The following GALNTL6 variants were observed in gnomAD, a reference collection of about 807,000 sequenced individuals.
GALNTL6 encodes polypeptide N-acetylgalactosaminyltransferase-like 6.
Under a neutral mutation model 73.7 loss-of-function variants are expected in GALNTL6, and 46 were observed. The observed-to-expected ratio is 0.62, with a 90% confidence interval of 0.49 to 0.80. The LOEUF is 0.80. Among genes scored for constraint, GALNTL6 ranks in the 30% least tolerant of loss-of-function variants. The pLI is 0.00. For synonymous variants in GALNTL6, 259 were observed against 263.7 expected (o/e 0.98, Z 0.17); for missense variants, 604 against 755.0 (o/e 0.80, Z 2.34).
intron 2 of GALNTL6, among the ~76,000 whole-genome samples, chr4:172,211,318 G>T (rs558080727): frequency 6.6e-6 from 1 of 152,122 alleles, no homozygotes; most frequent in South Asian, 2.1e-4. Flanking sequence ...TTCTCAGGAG[G>T]GTTATTTGTA....
At chr4:172,999,195 T>C (rs577620890) in intron 10 of GALNTL6, among the ~76,000 whole-genome samples, 2 of 152,276 alleles carry the variant, frequency 1.3e-5, no homozygotes, top group South Asian at 4.1e-4. Flanking sequence ...GGCTGTCATA[T>C]ACATGCAGCT....
At chr4:172,755,707 A>T (rs1455830606) in intron 5 of GALNTL6, among the ~76,000 whole-genome samples, 1 of 152,252 alleles carries the variant, frequency 6.6e-6, no homozygotes, top group Non-Finnish European at 1.5e-5. Context: ...GTATATTTTC[A>T]GTCAAATTTT....
intron 2 of GALNTL6, among the ~76,000 whole-genome samples, chr4:172,165,078 T>A (rs1734580987): frequency 6.6e-6 from 1 of 152,112 alleles, no homozygotes; most frequent in African/African-American, 2.4e-5. Flanking sequence ...TCCAAACAAC[T>A]TTAACATTTT....
intron 5 of GALNTL6, among the ~76,000 whole-genome samples, chr4:172,485,209 T>G (rs1733624844): frequency 6.6e-6 from 1 of 152,126 alleles, no homozygotes; most frequent in Non-Finnish European, 1.5e-5. Context: ...CCCATTTTTT[T>G]TCAGGTAACC....
At chr4:172,295,423 G>GA (rs11406771) in intron 3 of GALNTL6, among the ~76,000 whole-genome samples, 135,144 of 144,662 alleles carry the variant, frequency 0.93, 63,621 homozygotes, top group South Asian at 1. Flanking sequence ...CTCCATTTAA[G>GA]AAAAAAAAAA....
intron 8 of GALNTL6, among the ~76,000 whole-genome samples, chr4:172,915,782 A>T (rs1265400711): frequency 6.6e-6 from 1 of 152,198 alleles, no homozygotes; most frequent in Non-Finnish European, 1.5e-5. Context: ...AAAGTCCAGT[A>T]CCAGATGGAT....
intron 5 of GALNTL6, among the ~76,000 whole-genome samples, chr4:172,554,876 T>A (rs1001059269): frequency 6.6e-6 from 1 of 152,158 alleles, no homozygotes; most frequent in African/African-American, 2.4e-5. Flanking sequence ...ATGATCACCA[T>A]ATAATTTCTT....
At chr4:172,001,794 G>A (rs539548733) in intron 2 of GALNTL6, among the ~76,000 whole-genome samples, 1 of 152,204 alleles carries the variant, frequency 6.6e-6, no homozygotes, top group African/African-American at 2.4e-5. Context: ...GATCATTTCT[G>A]GATCACAGGA....
chr4:172,601,447 G>A (rs1738048767), intron 5 of GALNTL6, among the ~76,000 whole-genome samples: 1 of 152,042 alleles, frequency 6.6e-6, no homozygotes, highest in Non-Finnish European at 1.5e-5. Flanking sequence ...CACATGACTG[G>A]ATAAATCACT....
chr4:171,992,261 T>C (rs1399239249), intron 2 of GALNTL6, among the ~76,000 whole-genome samples: 4 of 152,032 alleles, frequency 2.6e-5, no homozygotes, highest in South Asian at 2.1e-4. Flanking sequence ...GGTTTTTTTT[T>C]CTTTTTATTC....
chr4:172,584,320 T>C (rs1007410310), intron 5 of GALNTL6, among the ~76,000 whole-genome samples: 1 of 152,068 alleles, frequency 6.6e-6, no homozygotes, highest in Non-Finnish European at 1.5e-5. Flanking sequence ...CAAAATTACA[T>C]GTGAGAGAAA....
intron 2 of GALNTL6, among the ~76,000 whole-genome samples, chr4:172,177,740 CATGTGTATATATAT>C (rs1735052129): frequency 1.2e-5 from 1 of 82,302 alleles, no homozygotes; most frequent in African/African-American, 3.9e-5. Flanking sequence ...TATATATACA[CATGTGTATATATAT>C]GTGTGTATAT....
At chr4:172,155,907 C>T (rs1019275928) in intron 2 of GALNTL6, among the ~76,000 whole-genome samples, 64 of 152,196 alleles carry the variant, frequency 4.2e-4, no homozygotes, top group African/African-American at 1.5e-3. Flanking sequence ...AATGAAATAG[C>T]AAGCCCCAAC....
chr4:172,826,689 G>A (rs958260201), intron 7 of GALNTL6, among the ~76,000 whole-genome samples: 6 of 152,160 alleles, frequency 3.9e-5, no homozygotes, highest in Non-Finnish European at 5.9e-5. Context: ...CATCCCGTAG[G>A]GAGAGGAACA....
intron 2 of GALNTL6, among the ~76,000 whole-genome samples, chr4:172,202,786 T>C (rs1735998502): frequency 6.6e-6 from 1 of 152,210 alleles, no homozygotes; most frequent in African/African-American, 2.4e-5. Context: ...ACCACACACC[T>C]ACTATACAAT....
chr4:172,870,934 T>TA (rs1002025804), intron 7 of GALNTL6, among the ~76,000 whole-genome samples: 10 of 152,216 alleles, frequency 6.6e-5, no homozygotes, highest in African/African-American at 2.4e-4. Flanking sequence ...CAATTGAGGG[T>TA]ACAGTTTCAT....
At chr4:172,832,750 C>T (rs1742705256) in intron 7 of GALNTL6, among the ~76,000 whole-genome samples, 1 of 152,130 alleles carries the variant, frequency 6.6e-6, no homozygotes, top group Admixed American at 6.5e-5. Flanking sequence ...AACTGGGCCG[C>T]GGTCTTGAAT....
intron 5 of GALNTL6, among the ~76,000 whole-genome samples, chr4:172,514,994 G>A (rs1298024011): frequency 6.6e-6 from 1 of 152,020 alleles, no homozygotes; most frequent in Non-Finnish European, 1.5e-5. Context: ...TCTTTCAAAG[G>A]GTCTGAATTC....
rs113623141 is a variant in GALNTL6 at position 172,471,695 on chromosome 4, TTAAC to T, written c.553+123011_553+123014del. ...CAAATATTCATTGAAACTGTAAAAA[TTAAC>T]TAACAGTGAATCAATAAGAATTGAC... is the stretch of plus-strand genomic sequence containing the variant. On this transcript the variant is annotated intron_variant, in intron 5 of 12. Coordinates refer to ENST00000506823, the MANE Select transcript of GALNTL6 (RefSeq NM_001034845.3). 3.9e-3 allele frequency among the ~76,000 whole-genome samples: 595 copies of T among 152,338 alleles called. 1 individual carries two copies. The highest frequency in any genetic ancestry group is 0.013 in the African/African-American group (538 of 41,578).
Sources: gnomAD v4.1 joint callset for allele counts (sites outside exome capture counted in the v4.1 genomes callset) on GRCh38, gnomAD v4.1.1 for gene constraint, MANE v1.5 for transcripts, NCBI Gene and HGNC (gene_info 2026-07-23, HGNC 2026-07-21) for gene names.